NELL1: variants seen among roughly 807,000 people sequenced by gnomAD.
NELL1 encodes neural EGFL like 1.
In NELL1, 76 loss-of-function variants were observed where a neutral mutation model predicts 107.4. The observed-to-expected ratio is 0.71, with a 90% CI of 0.59 to 0.86. The LOEUF (loss-of-function observed/expected upper bound fraction) is 0.86, where lower values mean the gene tolerates loss of function less well. NELL1 is among the 40% of genes least tolerant of loss of function. The probability of loss-of-function intolerance (pLI) is 0.00; values close to 1 mark genes in which losing one functional copy is unlikely to be tolerated. For missense variants in NELL1, 1,024 were observed against 1,005.5 expected (o/e 1.02, Z -0.25); for synonymous variants, 353 against 341.2 (o/e 1.03, Z -0.38).
rs1251138615 is a variant in NELL1 at position 20,746,533 on chromosome 11, T to A, written c.185-37147T>A. Among the ~76,000 whole-genome samples the A allele has an allele frequency of 4.0e-5, 6 of 151,306 alleles. No individual in the cohort carries two copies. The Admixed American group carries it at 4.0e-4, about 10-fold the overall frequency. ...ACAGAGCCACTTAATAGATAGTGGTTATGATTATTTAAAAGTGGAATTGTG... is the reference window on the plus strand; with the variant it reads ...ACAGAGCCACTTAATAGATAGTGGTAATGATTATTTAAAAGTGGAATTGTG... On this transcript the variant is annotated intron_variant, in intron 2 of 19. Transcript: ENST00000357134.
intron 2 of NELL1, among the ~76,000 whole-genome samples, chr11:20,694,787 C>T (rs1854570903): frequency 2.0e-5 from 3 of 151,916 alleles, no homozygotes; most frequent in East Asian, 3.9e-4. Flanking sequence ...TTTTTTGGAT[C>T]CACATACATT....
chr11:21,575,240 G>T lies in NELL1; in HGVS notation c.*218G>T, dbSNP rs1857194183. The T allele has an allele frequency of 2.0e-6, 1 of 508,224 alleles. No individual in the cohort carries two copies. Among genetic ancestry groups the T allele is most frequent in the South Asian group, 2.9e-5 (1 of 34,868 alleles). 31.5% of individuals were successfully genotyped at this position (508,224 alleles called of 1,614,324 possible). On this transcript the variant is annotated 3_prime_UTR_variant, in exon 20 of 20. Transcript: ENST00000357134. The stretch of plus-strand genomic sequence containing the variant: ...TAGTCTAGGTGACCTACAGTGCCGT[G>T]CATTTAAGTCAATGGTTGTTAAAAG...
chr11:21,308,843 T>G (rs752967883), intron 14 of NELL1, among the ~76,000 whole-genome samples: 6 of 152,002 alleles, frequency 3.9e-5, no homozygotes, highest in Non-Finnish European at 5.9e-5. Flanking sequence ...ACATACAGTA[T>G]GTCAAACATG....
At chr11:20,837,410 A>G (rs927221145) in intron 3 of NELL1, among the ~76,000 whole-genome samples, 1 of 152,150 alleles carries the variant, frequency 6.6e-6, no homozygotes, top group Admixed American at 6.6e-5. Context: ...AGATATGTGT[A>G]TATATACTGA....
chr11:21,483,990 C>CATACAT (rs1554920912), intron 15 of NELL1, among the ~76,000 whole-genome samples: 2 of 88,400 alleles, frequency 2.3e-5, no homozygotes, highest in African/African-American at 4.8e-5. Context: ...TTTTACTTAA[C>CATACAT]ATATATATAT....
At chr11:20,673,566 G>A (rs1245062771) in intron 1 of NELL1, among the ~76,000 whole-genome samples, 1 of 152,220 alleles carries the variant, frequency 6.6e-6, no homozygotes, top group East Asian at 1.9e-4. Context: ...TTCCCTGGGT[G>A]GGGGTGAGGA....
At chr11:21,459,626 A>T (rs80082849) in intron 15 of NELL1, among the ~76,000 whole-genome samples, 6,740 of 152,148 alleles carry the variant, frequency 0.044, 335 homozygotes, top group East Asian at 0.17. Flanking sequence ...AAGATGAGCT[A>T]TCTAAACATC....
At chr11:21,521,245 C>T (rs930977338) in intron 15 of NELL1, among the ~76,000 whole-genome samples, 3 of 152,156 alleles carry the variant, frequency 2.0e-5, no homozygotes, top group African/African-American at 7.2e-5. Context: ...GTAGTTTCTT[C>T]TTTAATTCAT....
intron 12 of NELL1, among the ~76,000 whole-genome samples, chr11:21,057,748 C>T (rs1853645817): frequency 1.3e-5 from 2 of 151,710 alleles, no homozygotes; most frequent in Admixed American, 1.3e-4. Context: ...AAAAATGTAT[C>T]CCCAAAATAT....
chr11:20,950,491 C>A (rs1851048388), intron 11 of NELL1, among the ~76,000 whole-genome samples: 1 of 152,102 alleles, frequency 6.6e-6, no homozygotes, highest in Admixed American at 6.6e-5. Context: ...TTATTTTTGC[C>A]TTTTCCTCTG....
chr11:21,345,499 G>C (rs942178166), intron 14 of NELL1, among the ~76,000 whole-genome samples: 1 of 152,188 alleles, frequency 6.6e-6, no homozygotes, highest in South Asian at 2.1e-4. Context: ...CATTTCATGA[G>C]TGTCAAGTGA....
In NELL1 at chr11:20,892,293, A is replaced by T. The variant is rs541306267; in HGVS notation, c.603+6753A>T. On this transcript the variant is annotated intron_variant, in intron 5 of 19. Coordinates refer to ENST00000357134, the MANE Select transcript of NELL1 (RefSeq NM_006157.5). Reference sequence around the variant, plus strand: ...GAGTAAATAATGAAATTAAGGCAGAAATCAAGAAGTTCTTTGAAACCAATG... The same window carrying T: ...GAGTAAATAATGAAATTAAGGCAGATATCAAGAAGTTCTTTGAAACCAATG... 1.8e-4 allele frequency among the ~76,000 whole-genome samples: 27 copies of T among 152,214 alleles called. 1 individual carries two copies. Among genetic ancestry groups the T allele is most frequent in the Admixed American group, 3.9e-4 (6 of 15,280 alleles).
intron 12 of NELL1, among the ~76,000 whole-genome samples, chr11:20,974,550 T>C (rs1851566071): frequency 6.6e-6 from 1 of 152,212 alleles, no homozygotes; most frequent in Non-Finnish European, 1.5e-5. Flanking sequence ...CAGATTTCTT[T>C]CACAGAAATA....
chr11:21,090,028 G>C (rs191149231), intron 12 of NELL1, among the ~76,000 whole-genome samples: 1 of 152,244 alleles, frequency 6.6e-6, no homozygotes, highest in African/African-American at 2.4e-5. Flanking sequence ...GAGAGGCAGG[G>C]CTTCCTATGG....
chr11:21,381,904 ATTTTTT>A lies in NELL1; in HGVS notation c.1645+10981_1645+10986del, dbSNP rs149327802. Among the ~76,000 whole-genome samples the A allele has an allele frequency of 4.9e-4, 45 of 91,374 alleles. No homozygotes were observed. The East Asian group carries it at 5.6e-3, about 11-fold the overall frequency. The allele number at this position is 91,374 out of a possible 152,430, so 59.9% of individuals were successfully genotyped here. On this transcript the variant is annotated intron_variant, in intron 15 of 19. Transcript: ENST00000357134. ...AACTTGGGTATGGTCCCTGGAAGGG[ATTTTTT>A]TTTTTTTTTTTTTTTTTTTTTTTTG...
chr11:21,205,637 G>A (rs745978257), intron 13 of NELL1, among the ~76,000 whole-genome samples: 7 of 152,154 alleles, frequency 4.6e-5, no homozygotes, highest in Non-Finnish European at 8.8e-5. Flanking sequence ...CTGTCTTGCC[G>A]GTGTTCCAGG....
chr11:21,156,035 A>G (rs769039078), intron 13 of NELL1, among the ~76,000 whole-genome samples: 26 of 152,108 alleles, frequency 1.7e-4, no homozygotes, highest in Admixed American at 3.3e-4. Flanking sequence ...TGGGTATCCC[A>G]ATGAGATGGA....
intron 4 of NELL1, among the ~76,000 whole-genome samples, chr11:20,850,787 G>A (rs1431949390): frequency 6.6e-6 from 1 of 152,158 alleles, no homozygotes; most frequent in African/African-American, 2.4e-5. Context: ...CTTTGGTGCT[G>A]GAGAAGGGAT....
intron 14 of NELL1, among the ~76,000 whole-genome samples, chr11:21,273,913 A>G (rs368700940): frequency 2.6e-5 from 4 of 152,164 alleles, no homozygotes; most frequent in South Asian, 2.1e-4. Context: ...CACTAAACAT[A>G]GAAAGGAACA....
Sources: allele counts gnomAD v4.1 joint callset (sites outside exome capture counted in the v4.1 genomes callset), GRCh38; gene constraint gnomAD v4.1.1; transcripts MANE v1.5; gene names NCBI Gene and HGNC (gene_info 2026-07-23, HGNC 2026-07-21).